Variants in MTMR14 observed in about 807,000 individuals in gnomAD.
MTMR14 encodes the protein myotubularin related protein 14.
MTMR14 carries 48 observed loss-of-function variants against 86.3 expected under a neutral mutation model. That is an observed-to-expected ratio of 0.56 (90% confidence interval 0.44 to 0.71). The LOEUF (loss-of-function observed/expected upper bound fraction) is 0.71, where lower values mean the gene tolerates loss of function less well. Ranked by LOEUF, MTMR14 falls within the 30% of genes least tolerant of loss-of-function variation. MTMR14 has a pLI of 0.00. For synonymous variants in MTMR14, 366 were observed against 326.1 expected (o/e 1.12, Z -1.32); for missense variants, 780 against 834.6 (o/e 0.93, Z 0.81).
At position 9,697,844 on chromosome 3, in the gene MTMR14, GA is replaced by G. The variant is rs1559622470; in HGVS notation, c.1748del (p.Asp583ValfsTer12). The G allele has an allele frequency of 6.2e-7, 1 of 1,614,192 alleles. No homozygotes were observed. Among genetic ancestry groups the G allele is most frequent in the Admixed American group, 1.7e-5 (1 of 60,032 alleles). On this transcript the variant is annotated frameshift_variant, in exon 18 of 19. Coordinates refer to ENST00000296003, the MANE Select transcript of MTMR14 (RefSeq NM_001077525.3). LOFTEE classifies it high-confidence loss of function. ...TDSSLPFSFP[D>X]ELPNSCLLAA... ...CTCCTCTCTCCCTTTCAGCTTCCCG[GA>G]TGAGCTCCCTAACAGTTGTCTGTAA...
intron 17 of MTMR14, among the ~76,000 whole-genome samples, chr3:9,692,556 T>G (rs1027971845): frequency 6.6e-6 from 1 of 152,256 alleles, no homozygotes; most frequent in African/African-American, 2.4e-5. Flanking sequence ...CAGCTCTGGT[T>G]AGCAGGTCGC....
chr3:9,668,630 C>T lies in MTMR14; in HGVS notation c.418-89C>T, dbSNP rs1574979388. 2.2e-6 allele frequency: 3 copies of T among 1,393,182 alleles called. No homozygotes were observed. In the East Asian group the frequency reaches 6.8e-5, roughly 32 times the overall value. The allele number at this position is 1,393,182 out of a possible 1,614,324, so 86.3% of individuals were successfully genotyped here. A position where few individuals can be genotyped will look rare whatever the true frequency, so the allele number is the denominator to read the frequency against. ...GTGCTCCTGGGCCCGTTATGCTGGC[C>T]TGGAAGAGTCAGAGGAGTCCCACAT... On this transcript the variant is annotated intron_variant, in intron 3 of 18. Transcript: ENST00000296003.
At chr3:9,674,742 A>G (rs1483496117) in intron 7 of MTMR14, among the ~76,000 whole-genome samples, 1 of 152,258 alleles carries the variant, frequency 6.6e-6, no homozygotes, top group East Asian at 1.9e-4. Flanking sequence ...AAATGTGCTT[A>G]TAAAAAAGGC....
chr3:9,693,339 C>T (rs1459458122), intron 17 of MTMR14, among the ~76,000 whole-genome samples: 1 of 152,166 alleles, frequency 6.6e-6, no homozygotes, highest in Admixed American at 6.5e-5. Flanking sequence ...GGAGGATGTG[C>T]ATAGGTTATA....
At chr3:9,658,565 C>G (rs1007598488) in intron 2 of MTMR14, among the ~76,000 whole-genome samples, 1 of 152,166 alleles carries the variant, frequency 6.6e-6, no homozygotes, top group Non-Finnish European at 1.5e-5. Context: ...GAGGCCCTGC[C>G]GGATAGTGGT....
intron 13 of MTMR14, among the ~76,000 whole-genome samples, chr3:9,687,000 A>G (rs2075980979): frequency 6.6e-6 from 1 of 152,252 alleles, no homozygotes; most frequent in South Asian, 2.1e-4. Context: ...GGGAGGCTCT[A>G]GGCCAGACAG....
intron 5 of MTMR14, among the ~76,000 whole-genome samples, chr3:9,669,784 A>G (rs1310016821): frequency 6.6e-6 from 1 of 152,156 alleles, no homozygotes; most frequent in Non-Finnish European, 1.5e-5. Context: ...GGGCCCAGAC[A>G]TCTATATTTG....
chr3:9,665,599 C>G (rs1204346630), intron 3 of MTMR14, among the ~76,000 whole-genome samples: 1 of 152,176 alleles, frequency 6.6e-6, no homozygotes, highest in African/African-American at 2.4e-5. Context: ...ATGTAACAAA[C>G]TTGCACAGGT....
intron 2 of MTMR14, among the ~76,000 whole-genome samples, chr3:9,655,889 G>C (rs978791881): frequency 2.0e-5 from 3 of 152,050 alleles, no homozygotes; most frequent in African/African-American, 2.4e-5. Flanking sequence ...TTCCTCATCT[G>C]TAAAGTGGGG....
At chr3:9,699,730 CCT>C (rs1177475402) in intron 18 of MTMR14, 1 of 152,308 alleles carries the variant, frequency 6.6e-6, no homozygotes. Flanking sequence ...GTCCCTTTCA[CCT>C]CTCAGAAATG....
intron 2 of MTMR14, chr3:9,659,946 G>A (rs553214351): frequency 7.2e-6 from 3 of 418,224 alleles, no homozygotes. Context: ...AACTCAACCT[G>A]GGAAAATCAG....
intron 9 of MTMR14, among the ~76,000 whole-genome samples, 190 bp downstream of exon 9, chr3:9,678,248 A>G (rs2075648670): frequency 6.6e-6 from 1 of 152,336 alleles, no homozygotes; most frequent in African/African-American, 2.4e-5. Context: ...TGATTTGCTC[A>G]TGTCCCAGAA....
chr3:9,667,902 TG>T (rs2048342358), intron 3 of MTMR14, among the ~76,000 whole-genome samples: 1 of 152,228 alleles, frequency 6.6e-6, no homozygotes, highest in African/African-American at 2.4e-5. Context: ...CTTCACTCCC[TG>T]TCTGTCACCT....
At chr3:9,686,760 G>A (rs34660509) in intron 13 of MTMR14, among the ~76,000 whole-genome samples, 3,558 of 152,358 alleles carry the variant, frequency 0.023, 73 homozygotes, top group Non-Finnish European at 0.038. Flanking sequence ...GACAGGGCTC[G>A]TGGGATGCCA....
chr3:9,662,139 A>T (rs2047977226), intron 2 of MTMR14, 128 bp from the exon 3 acceptor site: 2 of 716,112 alleles, frequency 2.8e-6, no homozygotes, highest in South Asian at 3.0e-5. Context: ...AAAATTTAGG[A>T]ATGACATTTA....
intron 2 of MTMR14, among the ~76,000 whole-genome samples, chr3:9,656,693 C>A (rs1170794312): frequency 6.6e-6 from 1 of 152,180 alleles, no homozygotes; most frequent in African/African-American, 2.4e-5. Context: ...TGCTGGATTA[C>A]AGGTGTGAGC....
intron 9 of MTMR14, among the ~76,000 whole-genome samples, chr3:9,682,206 A>G (rs2075790991): frequency 6.6e-6 from 1 of 152,202 alleles, no homozygotes; most frequent in South Asian, 2.1e-4. Context: ...ACAGCACTAC[A>G]GCGCCTGTCT....
chr3:9,688,887 G>C (rs1300205223), intron 15 of MTMR14, 57 bp from the exon 16 acceptor site: 3 of 1,612,018 alleles, frequency 1.9e-6, no homozygotes, highest in African/African-American at 1.3e-5. Flanking sequence ...TAGAAAAGGT[G>C]GGGGACCAGT....
At chr3:9,666,020 C>G (rs995777387) in intron 3 of MTMR14, among the ~76,000 whole-genome samples, 9 of 151,930 alleles carry the variant, frequency 5.9e-5, no homozygotes, top group African/African-American at 2.2e-4. Context: ...ACCCACCGTG[C>G]CCGGCCCATT....
Sources: gnomAD v4.1 joint callset for allele counts (sites outside exome capture counted in the v4.1 genomes callset) on GRCh38, gnomAD v4.1.1 for gene constraint, MANE v1.5 for transcripts, NCBI Gene and HGNC (gene_info 2026-07-23, HGNC 2026-07-21) for gene names.